The following CNTN2 variants were observed in gnomAD, a reference collection of about 807,000 sequenced individuals.
CNTN2 encodes contactin-2.
CNTN2 carries 53 observed loss-of-function variants against 117.5 expected under a neutral mutation model. The ratio of observed to expected loss-of-function variants is 0.45; its 90% confidence interval spans 0.36 to 0.57. The LOEUF is 0.57. Among genes scored for constraint, CNTN2 ranks in the 20% least tolerant of loss-of-function variants. The pLI, the probability that CNTN2 is intolerant of heterozygous loss-of-function variation, is 0.00. For missense variants in CNTN2, 1,106 were observed against 1,404.3 expected, an observed-to-expected ratio of 0.79 and a Z score of 3.39; for synonymous variants, 530 against 561.7, an observed-to-expected ratio of 0.94 and a Z score of 0.80.
At chr1:205,067,057 T>C in intron 15 of CNTN2, 44 bp from the exon 16 acceptor site, 2 of 1,569,154 alleles carry the variant, frequency 1.3e-6, no homozygotes, top group African/African-American at 1.4e-5. Flanking sequence ...TGCACCCAGA[T>C]GAATAAGCGA....
At chr1:205,055,162 C>T (rs1434243660) in intron 2 of CNTN2, among the ~76,000 whole-genome samples, 3 of 152,050 alleles carry the variant, frequency 2.0e-5, no homozygotes, top group Non-Finnish European at 4.4e-5. Flanking sequence ...TACAGACACT[C>T]GCCACCACGC....
chr1:205,054,522 G>T (rs2096457994), intron 2 of CNTN2, among the ~76,000 whole-genome samples: 1 of 152,206 alleles, frequency 6.6e-6, no homozygotes, highest in Non-Finnish European at 1.5e-5. Flanking sequence ...GGAGCAGAGG[G>T]GAGGCGCCTG....
chr1:205,050,319 CAG>C (rs1334522560), intron 1 of CNTN2, among the ~76,000 whole-genome samples: 2 of 111,502 alleles, frequency 1.8e-5, no homozygotes, highest in African/African-American at 3.2e-5. Context: ...GTGTGTGTGA[CAG>C]AGAGAGAGAG....
At position 205,062,608 on chromosome 1, in the gene CNTN2, T is replaced by C. The variant is rs1203455292; in HGVS notation, c.1240+39T>C. 2.5e-6 allele frequency: 4 copies of C among 1,588,808 alleles called. No individual in the cohort carries two copies. The South Asian group carries it at 4.5e-5, about 18-fold the overall frequency. On this transcript the variant is annotated intron_variant, in intron 10 of 22. Coordinates refer to ENST00000331830, the MANE Select transcript of CNTN2 (RefSeq NM_005076.5). ...GGAGGCAGGGGACATCCCAAGGACA[T>C]GCATATGGTGGCTTTCAGAGCTCTG...
intron 1 of CNTN2, among the ~76,000 whole-genome samples, chr1:205,044,743 G>A (rs6660593): frequency 0.18 from 27,754 of 152,088 alleles, 3,043 homozygotes; most frequent in East Asian, 0.48. Flanking sequence ...ACTGGAGATC[G>A]AGTGCAGCAA....
At position 205,057,931 on chromosome 1, in the gene CNTN2, A is replaced by C. The variant is rs1015755301; in HGVS notation, c.81A>C (p.Ser27=). The change falls in exon 3 of 23, where the codon TCA becomes TCC. Residue 27 remains serine, a synonymous_variant. Coordinates refer to ENST00000331830, the MANE Select transcript of CNTN2 (RefSeq NM_005076.5). ...VALVSSSAWS[S]ALGSQTTFGP... is the part of the protein sequence containing the mutation. Reference sequence around the variant, plus strand: ...TGTCATCACCTGCAGCTTGGAGTTCAGCCCTGGGATCCCAAACCACCTTCG... The same window carrying C: ...TGTCATCACCTGCAGCTTGGAGTTCCGCCCTGGGATCCCAAACCACCTTCG... The C allele has an allele frequency of 2.5e-6, 4 of 1,613,660 alleles. No individual in the cohort carries two copies. Among genetic ancestry groups the C allele is most frequent in the Non-Finnish European group, 3.4e-6 (4 of 1,179,810 alleles).
rs1364657081 is a variant in CNTN2 at position 205,077,440 on chromosome 1, G to A, written c.*3675G>A. 1.3e-5 allele frequency: 2 copies of A among 152,246 alleles called. No individual in the cohort carries two copies. Among genetic ancestry groups the A allele is most frequent in the Non-Finnish European group, 2.9e-5 (2 of 68,056 alleles). The allele number at this position is 152,246 out of a possible 1,614,324, so 9.4% of individuals were successfully genotyped here. A position where few individuals can be genotyped will look rare whatever the true frequency, so the allele number is the denominator to read the frequency against. On this transcript the variant is annotated 3_prime_UTR_variant, in exon 23 of 23. Transcript: ENST00000331830. ...TGGGAGACACAGTATCCTCAAACCT[G>A]TGGCCACTGGCATGACAGTGGTGCT...
At chr1:205,070,579 G>C in intron 19 of CNTN2, 41 bp downstream of exon 19, 1 of 1,429,652 alleles carries the variant, frequency 7.0e-7, no homozygotes, top group South Asian at 1.2e-5. Context: ...AGGGGTGCTG[G>C]GGCTTCAAAG....
Position 205,074,155 on chromosome 1 carries a change from C to T in CNTN2, c.*390C>T. 2.1e-6 allele frequency: 1 copy of T among 473,328 alleles called. No homozygotes were observed. Among genetic ancestry groups the T allele is most frequent in the South Asian group, 5.7e-5 (1 of 17,588 alleles). The allele number at this position is 473,328 out of a possible 1,614,324, so 29.3% of individuals were successfully genotyped here. A position where few individuals can be genotyped will look rare whatever the true frequency, so the allele number is the denominator to read the frequency against. ...CACTTGAGAGCAGTCCTAGGCCCGGCAGGAACACCAGACATGAACAGGTTG... is the reference window on the plus strand; with the variant it reads ...CACTTGAGAGCAGTCCTAGGCCCGGTAGGAACACCAGACATGAACAGGTTG... On this transcript the variant is annotated 3_prime_UTR_variant, in exon 23 of 23. Coordinates refer to ENST00000331830, the MANE Select transcript of CNTN2 (RefSeq NM_005076.5).
In CNTN2 at chr1:205,065,014, C is replaced by T; in HGVS notation, c.1520-73C>T. On this transcript the variant is annotated intron_variant, in intron 12 of 22. Coordinates refer to ENST00000331830, the MANE Select transcript of CNTN2 (RefSeq NM_005076.5). The surrounding 1 kb of genome is among the most constrained non-coding windows in gnomAD (Gnocchi z 4.1). ...TGCTGGGCCTTAGGACAGAGCCTCT[C>T]AGCCTGCCCTGCGGACCCGGCCTGG... 1 of 1,516,398 alleles carries T rather than the reference C, an allele frequency of 6.6e-7. No homozygotes were observed. The highest frequency in any genetic ancestry group is 9.0e-7 in the Non-Finnish European group (1 of 1,107,172). The allele number at this position is 1,516,398 out of a possible 1,614,324, so 93.9% of individuals were successfully genotyped here.
chr1:205,073,278 G>C lies in CNTN2; in HGVS notation c.3013+42G>C. The C allele has an allele frequency of 1.3e-6, 2 of 1,599,258 alleles. No homozygotes were observed. Among genetic ancestry groups the C allele is most frequent in the East Asian group, 2.2e-5 (1 of 44,692 alleles). On this transcript the variant is annotated intron_variant, in intron 22 of 22. Coordinates refer to ENST00000331830, the MANE Select transcript of CNTN2 (RefSeq NM_005076.5). This position sits in a 1 kb window ranked among gnomAD's most constrained non-coding sequence, Gnocchi z 6.3. ...ACCCTTATCCCCTCGAGAGATTCAG[G>C]ATCCACCCAGATACCTGAGAGGATC...
chr1:205,052,925 G>A (rs1295510368), intron 1 of CNTN2, among the ~76,000 whole-genome samples, 175 bp from the exon 2 acceptor site: 1 of 152,198 alleles, frequency 6.6e-6, no homozygotes, highest in Non-Finnish European at 1.5e-5. Context: ...TCAGCCCCAG[G>A]AAGAGCTTCT....
Position 205,062,530 on chromosome 1 carries a change from C to T in CNTN2, c.1201C>T (p.His401Tyr). The T allele has an allele frequency of 6.2e-7, 1 of 1,614,088 alleles. No homozygotes were observed. The highest frequency in any genetic ancestry group is 8.5e-7 in the Non-Finnish European group (1 of 1,179,984). The change falls in exon 10 of 23, where the codon CAC becomes TAC. Residue 401 changes from histidine (H) to tyrosine (Y), a missense_variant. Transcript: ENST00000331830. ...GMYQCVAENK[H>Y]GTIYASAELA... ...GTACCAGTGTGTGGCAGAGAATAAG[C>T]ACGGTACCATCTACGCCAGCGCCGA...
At chr1:205,063,335 G>A (rs1476016520) in intron 10 of CNTN2, 3 of 152,182 alleles carry the variant, frequency 2.0e-5, no homozygotes, top group Admixed American at 6.5e-5. Context: ...ATAGTATAAA[G>A]AAAATCCAGG....
At chr1:205,068,593 G>A (rs1654424079) in intron 16 of CNTN2, 1 of 152,154 alleles carries the variant, frequency 6.6e-6, no homozygotes, top group African/African-American at 2.4e-5. Context: ...GAAACATGAT[G>A]GGCTTTAAAA....
At chr1:205,060,451 ATG>A (rs1368889018) in intron 7 of CNTN2, 1 of 152,200 alleles carries the variant, frequency 6.6e-6, no homozygotes, top group Non-Finnish European at 1.5e-5. Flanking sequence ...GCGGTGGTTC[ATG>A]TCTGTAATCC....
chr1:205,057,922 T>C lies in CNTN2; in HGVS notation c.72T>C (p.Ala24=), dbSNP rs768956453. Residue 24 remains alanine, a splice_region_variant and synonymous_variant, in exon 3 of 23, where the codon GCT becomes GCC. Transcript: ENST00000331830. ...ATCTGGTGGTGTCATCACCTGCAGC[T>C]TGGAGTTCAGCCCTGGGATCCCAAA... The part of the protein sequence containing the change: ...VAAVALVSSS[A]WSSALGSQTT... 6.2e-7 allele frequency: 1 copy of C among 1,613,280 alleles called. No homozygotes were observed. Among genetic ancestry groups the C allele is most frequent in the East Asian group, 2.2e-5 (1 of 44,866 alleles).
Position 205,048,505 on chromosome 1 carries a change from C to T in CNTN2, c.-86-4595C>T. Among the ~76,000 whole-genome samples the T allele has an allele frequency of 6.6e-6, 1 of 152,174 alleles. No individual in the cohort carries two copies. The highest frequency in any genetic ancestry group is 1.9e-4 in the East Asian group (1 of 5,192). The stretch of plus-strand genomic sequence containing the variant: ...CCCTGCTGATGACAGCCTGTGCTTG[C>T]CTGTGCCAGTCTGTGCCTGCACCCC... On this transcript the variant is annotated intron_variant, in intron 1 of 22. Coordinates refer to ENST00000331830, the MANE Select transcript of CNTN2 (RefSeq NM_005076.5). The surrounding 1 kb of genome is among the most constrained non-coding windows in gnomAD (Gnocchi z 4.1).
chr1:205,055,242 G>A (rs1480168151), intron 2 of CNTN2, among the ~76,000 whole-genome samples: 3 of 152,134 alleles, frequency 2.0e-5, no homozygotes, highest in Non-Finnish European at 4.4e-5. Context: ...TCGAACTCTC[G>A]AGCTCAGGTG....
Sources: allele counts gnomAD v4.1 joint callset (sites outside exome capture counted in the v4.1 genomes callset), GRCh38; gene constraint gnomAD v4.1.1; non-coding constraint Gnocchi (gnomAD v3.1); transcripts MANE v1.5; gene names NCBI Gene and HGNC (gene_info 2026-07-23, HGNC 2026-07-21).